PCBP3: variants seen among roughly 807,000 people sequenced by gnomAD.
The protein encoded by PCBP3 is poly(rC)-binding protein 3.
In PCBP3, 25 loss-of-function variants were observed where a neutral mutation model predicts 52.7. The ratio of observed to expected loss-of-function variants is 0.47; its 90% CI spans 0.35 to 0.66. PCBP3 has a LOEUF of 0.66. PCBP3 is among the 30% of genes least tolerant of loss of function. The pLI, the probability that PCBP3 is intolerant of heterozygous loss-of-function variation, is 0.01. For missense variants in PCBP3, 391 were observed against 490.3 expected (o/e 0.80, Z 1.91); for synonymous variants, 162 against 183.0 (o/e 0.89, Z 0.93).
At chr21:45,776,466 C>G (rs1184895243) in intron 4 of PCBP3, among the ~76,000 whole-genome samples, 2 of 144,882 alleles carry the variant, frequency 1.4e-5, no homozygotes, top group South Asian at 2.3e-4. Flanking sequence ...ACTTGAGTCT[C>G]TCTTTCTCTC....
chr21:45,830,232 A>G lies in PCBP3; in HGVS notation c.-125-19729A>G, dbSNP rs929185675. On this transcript the variant is annotated intron_variant, in intron 4 of 17. Coordinates refer to ENST00000681687, the MANE Select transcript of PCBP3 (RefSeq NM_001384156.1). This position sits in a 1 kb window ranked among gnomAD's most constrained non-coding sequence, Gnocchi z 4.4. ...CGTCCTAACATACGTGCAAATGTGCACTGTGGAGACCACTCCTGCCCCTAC... is the reference window on the plus strand; with the variant it reads ...CGTCCTAACATACGTGCAAATGTGCGCTGTGGAGACCACTCCTGCCCCTAC... The G allele has an allele frequency of 6.5e-6, 1 of 152,934 alleles. No individual in the cohort carries two copies. The highest frequency in any genetic ancestry group is 1.5e-5 in the Non-Finnish European group (1 of 68,250). The allele number at this position is 152,934 out of a possible 1,614,324, so 9.5% of individuals were successfully genotyped here. A position where few individuals can be genotyped will look rare whatever the true frequency, so the allele number is the denominator to read the frequency against.
chr21:45,860,479 A>G (rs1398894542), intron 5 of PCBP3, among the ~76,000 whole-genome samples: 1 of 152,168 alleles, frequency 6.6e-6, no homozygotes, highest in East Asian at 1.9e-4. Flanking sequence ...TGCAACTTAC[A>G]TGGCCTTTTA....
chr21:45,919,658 C>G lies in PCBP3; in HGVS notation c.717+2029C>G, dbSNP rs533455437. ...TCCTGGCGTCAGACCTTTGGTGATG[C>G]TGCTGTAGCTACATCAAGGACATCT... On this transcript the variant is annotated intron_variant, in intron 13 of 17. Transcript: ENST00000681687. Among the ~76,000 whole-genome samples the G allele has an allele frequency of 2.0e-5, 3 of 152,350 alleles. No homozygotes were observed. In the East Asian group the frequency reaches 5.8e-4, roughly 29 times the overall value.
At chr21:45,723,012 C>G (rs1279538946) in intron 2 of PCBP3, among the ~76,000 whole-genome samples, 1 of 136,776 alleles carries the variant, frequency 7.3e-6, no homozygotes, top group African/African-American at 2.7e-5. Context: ...AGACCCGTCT[C>G]AAAAAAAAAA....
At chr21:45,894,057 G>A (rs967940337) in intron 5 of PCBP3, 14 of 984,032 alleles carry the variant, frequency 1.4e-5, no homozygotes, top group Admixed American at 6.1e-5. Flanking sequence ...TTGATGCCTC[G>A]TCCACCCTGG....
At chr21:45,842,097 A>G (rs557422600) in intron 4 of PCBP3, among the ~76,000 whole-genome samples, 2 of 152,350 alleles carry the variant, frequency 1.3e-5, no homozygotes, top group South Asian at 4.1e-4. Flanking sequence ...GTTTTCTTCC[A>G]GGCGATTCTC....
intron 9 of PCBP3, among the ~76,000 whole-genome samples, chr21:45,908,397 A>C (rs369196340): frequency 1.3e-5 from 2 of 152,242 alleles, no homozygotes; most frequent in South Asian, 4.1e-4. Context: ...AGCTCTCAGC[A>C]CAAAAAATAG....
intron 4 of PCBP3, among the ~76,000 whole-genome samples, chr21:45,816,705 C>A (rs2147265074): frequency 6.7e-6 from 1 of 150,318 alleles, no homozygotes; most frequent in African/African-American, 2.5e-5. Context: ...CTTCTTGACA[C>A]CTCCTGAGAG....
intron 4 of PCBP3, among the ~76,000 whole-genome samples, chr21:45,835,543 C>G (rs1195305248): frequency 6.6e-6 from 1 of 152,232 alleles, no homozygotes; most frequent in Admixed American, 6.5e-5. Flanking sequence ...GTCAGAGAGG[C>G]AGAAACACAG....
intron 11 of PCBP3, among the ~76,000 whole-genome samples, chr21:45,912,199 G>A (rs750313211): frequency 7.9e-5 from 12 of 152,186 alleles, no homozygotes; most frequent in Admixed American, 7.2e-4. Context: ...GCCATCATCC[G>A]AACCACCCTA....
chr21:45,906,757 A>G (rs1449392349), intron 9 of PCBP3, among the ~76,000 whole-genome samples: 2 of 152,188 alleles, frequency 1.3e-5, no homozygotes, highest in Non-Finnish European at 2.9e-5. Context: ...TTAAGGTGCC[A>G]TCCCGTTTTC....
chr21:45,814,860 ATGAGTGGTGACTGG>A (rs2092821383), intron 4 of PCBP3, among the ~76,000 whole-genome samples: 4 of 74,340 alleles, frequency 5.4e-5, no homozygotes, highest in African/African-American at 1.9e-4. Context: ...GTGGTGAGTG[ATGAGTGGTGACTGG>A]TGAGTGAGTG....
At chr21:45,671,617 G>A (rs554820039) in intron 2 of PCBP3, among the ~76,000 whole-genome samples, 130 of 152,266 alleles carry the variant, frequency 8.5e-4, no homozygotes, top group African/African-American at 3.0e-3. Flanking sequence ...GTGGTAAGAG[G>A]GCGTTAGAAA....
At chr21:45,832,306 G>A (rs1017003613) in intron 4 of PCBP3, among the ~76,000 whole-genome samples, 1 of 152,166 alleles carries the variant, frequency 6.6e-6, no homozygotes, top group Non-Finnish European at 1.5e-5. Flanking sequence ...TTTTGGTGGG[G>A]TTTGGCCAAC....
intron 5 of PCBP3, among the ~76,000 whole-genome samples, chr21:45,879,358 G>C (rs1178325724): frequency 6.6e-6 from 1 of 152,216 alleles, no homozygotes. Flanking sequence ...AAAAATTCAT[G>C]ATGTAGACTC....
At chr21:45,815,673 A>G (rs1160228047) in intron 4 of PCBP3, among the ~76,000 whole-genome samples, 1 of 16,646 alleles carries the variant, frequency 6.0e-5, no homozygotes, top group Non-Finnish European at 1.0e-4. Context: ...GTGAGTGATG[A>G]GTGAGTGGTG....
chr21:45,926,105 CA>C (rs1316440441), intron 13 of PCBP3, among the ~76,000 whole-genome samples: 1 of 152,270 alleles, frequency 6.6e-6, no homozygotes, highest in African/African-American at 2.4e-5. Flanking sequence ...AAAGCAATTG[CA>C]GTCATGCACC....
chr21:45,729,336 G>A (rs2085289028), intron 2 of PCBP3, among the ~76,000 whole-genome samples: 1 of 152,100 alleles, frequency 6.6e-6, no homozygotes, highest in Admixed American at 6.6e-5. Context: ...GTTTCCCCGT[G>A]TTGGCTATTA....
intron 4 of PCBP3, among the ~76,000 whole-genome samples, chr21:45,801,012 GCT>G (rs2092280027): frequency 6.6e-6 from 1 of 152,182 alleles, no homozygotes. Context: ...ATGCCCACTC[GCT>G]CTGACCTTGG....
Sources: allele counts gnomAD v4.1 joint callset (sites outside exome capture counted in the v4.1 genomes callset), GRCh38; gene constraint gnomAD v4.1.1; non-coding constraint Gnocchi (gnomAD v3.1); transcripts MANE v1.5; gene names NCBI Gene and HGNC (gene_info 2026-07-23, HGNC 2026-07-21).